RBMS3: variants seen among roughly 807,000 people sequenced by gnomAD.
RBMS3 encodes RNA-binding motif, single-stranded-interacting protein 3.
RBMS3 carries 27 observed loss-of-function variants against 66.8 expected under a neutral mutation model. That is an observed-to-expected ratio of 0.40 (90% confidence interval 0.30 to 0.56). RBMS3 has a LOEUF of 0.56. Among genes scored for constraint, RBMS3 ranks in the 20% least tolerant of loss-of-function variants. The pLI is 0.40. For missense variants in RBMS3, 513 were observed against 549.5 expected (o/e 0.93, Z 0.66); for synonymous variants, 188 against 183.0 (o/e 1.03, Z -0.22).
At chr3:29,647,864 A>C (rs1375298045) in intron 4 of RBMS3, among the ~76,000 whole-genome samples, 1 of 152,206 alleles carries the variant, frequency 6.6e-6, no homozygotes, top group Non-Finnish European at 1.5e-5. Context: ...TCTTTTGTGA[A>C]TGTCCTGTCC....
At chr3:29,683,387 C>G (rs941368275) in intron 4 of RBMS3, among the ~76,000 whole-genome samples, 12 of 152,080 alleles carry the variant, frequency 7.9e-5, no homozygotes, top group African/African-American at 2.9e-4. Flanking sequence ...CATAGCAGGT[C>G]TCATAAAGAT....
intron 1 of RBMS3, among the ~76,000 whole-genome samples, chr3:29,331,637 A>T (rs1182948386): frequency 2.6e-5 from 4 of 152,038 alleles, no homozygotes; most frequent in Admixed American, 2.6e-4. Context: ...TGTTATAGTC[A>T]GACTTCTCAG....
At chr3:29,911,407 G>C (rs951783386) in intron 10 of RBMS3, among the ~76,000 whole-genome samples, 2 of 152,040 alleles carry the variant, frequency 1.3e-5, no homozygotes, top group Admixed American at 1.3e-4. Flanking sequence ...ACTTAATCAT[G>C]ATTAGGGCTG....
At position 29,929,591 on chromosome 3, in the gene RBMS3, T is replaced by TAA. The variant is rs5847607; in HGVS notation, c.940-6487_940-6486dup. Among the ~76,000 whole-genome samples, 6 of 150,970 alleles carry TAA rather than the reference T, an allele frequency of 4.0e-5. No homozygotes were observed. The East Asian group carries it at 5.8e-4, about 15-fold the overall frequency. On this transcript the variant is annotated intron_variant, in intron 10 of 14. Transcript: ENST00000383767. ...TTAGTGTCTATTAATATTATAACTT[T>TAA]AAAAAAAAATACTTCCAGTTACTAG...
chr3:29,374,064 G>T (rs944833113), intron 1 of RBMS3, among the ~76,000 whole-genome samples: 1 of 152,174 alleles, frequency 6.6e-6, no homozygotes, highest in Non-Finnish European at 1.5e-5. Context: ...GGCTGAGTGG[G>T]ACAGCAATGG....
chr3:29,326,524 CT>C (rs2035345080), intron 1 of RBMS3, among the ~76,000 whole-genome samples: 1 of 152,220 alleles, frequency 6.6e-6, no homozygotes. Context: ...GTAATTACCC[CT>C]ATTATAAATC....
At chr3:29,792,689 G>A (rs565391347) in intron 6 of RBMS3, among the ~76,000 whole-genome samples, 52 of 152,216 alleles carry the variant, frequency 3.4e-4, no homozygotes, top group Non-Finnish European at 1.0e-4. Flanking sequence ...CAGGAAAAGA[G>A]GGAGCAAAAA....
At chr3:29,780,823 A>C (rs984492278) in intron 6 of RBMS3, among the ~76,000 whole-genome samples, 5 of 151,914 alleles carry the variant, frequency 3.3e-5, no homozygotes, top group African/African-American at 1.2e-4. Context: ...TTTTTCTTCC[A>C]GTTTGATTTT....
At chr3:29,557,233 C>T (rs1353008678) in intron 3 of RBMS3, among the ~76,000 whole-genome samples, 1 of 152,124 alleles carries the variant, frequency 6.6e-6, no homozygotes, top group Non-Finnish European at 1.5e-5. Flanking sequence ...TGTAAATATA[C>T]CCTCTGAGAG....
intron 2 of RBMS3, among the ~76,000 whole-genome samples, chr3:29,459,935 T>A (rs540709334): frequency 2.6e-5 from 4 of 152,336 alleles, no homozygotes; most frequent in African/African-American, 9.6e-5. Context: ...TTTACTCAAG[T>A]GCCAAATGGT....
intron 9 of RBMS3, among the ~76,000 whole-genome samples, chr3:29,897,727 C>T (rs2060158831): frequency 6.6e-6 from 1 of 151,590 alleles, no homozygotes; most frequent in Non-Finnish European, 1.5e-5. Flanking sequence ...TACTGTCCAA[C>T]CAACCTTAAT....
Position 29,349,199 on chromosome 3 carries a change from G to A in RBMS3, c.75+67443G>A, listed in dbSNP as rs1043893886. 2.0e-5 allele frequency among the ~76,000 whole-genome samples: 3 copies of A among 150,056 alleles called. No homozygotes were observed. The East Asian group carries it at 5.9e-4, about 30-fold the overall frequency. On this transcript the variant is annotated intron_variant, in intron 1 of 14. Coordinates refer to ENST00000383767, the MANE Select transcript of RBMS3 (RefSeq NM_001003793.3). ...GCTCTCTGCTCCCTTTGCACCCCGTGGAGATCTACTCCTAAAATTCTCTCT... is the reference window on the plus strand; with the variant it reads ...GCTCTCTGCTCCCTTTGCACCCCGTAGAGATCTACTCCTAAAATTCTCTCT...
intron 3 of RBMS3, among the ~76,000 whole-genome samples, chr3:29,518,098 G>A (rs1433001027): frequency 6.6e-6 from 1 of 152,130 alleles, no homozygotes; most frequent in African/African-American, 2.4e-5. Flanking sequence ...CTTTCTGAGA[G>A]CAGGGCATTC....
At chr3:29,958,318 G>A (rs562018076) in intron 12 of RBMS3, among the ~76,000 whole-genome samples, 2 of 151,932 alleles carry the variant, frequency 1.3e-5, no homozygotes, top group South Asian at 4.2e-4. Flanking sequence ...TTTCTTTTTT[G>A]TTGTTCCTGT....
intron 3 of RBMS3, among the ~76,000 whole-genome samples, chr3:29,514,675 ATATATG>A (rs2044547776): frequency 6.9e-6 from 1 of 144,740 alleles, no homozygotes; most frequent in South Asian, 2.2e-4. Flanking sequence ...ATATATATAT[ATATATG>A]ATAGGCATAC....
At chr3:29,660,281 T>G (rs2050490838) in intron 4 of RBMS3, among the ~76,000 whole-genome samples, 1 of 152,136 alleles carries the variant, frequency 6.6e-6, no homozygotes, top group Non-Finnish European at 1.5e-5. Flanking sequence ...ATATTAAAAT[T>G]TTAGTAATAT....
chr3:29,744,690 A>G (rs991892403), intron 5 of RBMS3, among the ~76,000 whole-genome samples: 2 of 151,854 alleles, frequency 1.3e-5, no homozygotes, highest in African/African-American at 4.8e-5. Context: ...AGGCTGAGGC[A>G]TGAGAATCGC....
At chr3:29,869,610 C>T (rs1377981662) in intron 7 of RBMS3, among the ~76,000 whole-genome samples, 2 of 152,086 alleles carry the variant, frequency 1.3e-5, no homozygotes, top group Admixed American at 6.6e-5. Context: ...ACCCTCAATA[C>T]AAACTGGTAA....
intron 4 of RBMS3, among the ~76,000 whole-genome samples, chr3:29,726,291 A>G (rs1240838893): frequency 6.6e-6 from 1 of 152,148 alleles, no homozygotes; most frequent in Non-Finnish European, 1.5e-5. Context: ...CCCTTTGAAA[A>G]CTGGCAGAAG....
Sources: gnomAD v4.1 joint callset for allele counts (sites outside exome capture counted in the v4.1 genomes callset) on GRCh38, gnomAD v4.1.1 for gene constraint, MANE v1.5 for transcripts, NCBI Gene and HGNC (gene_info 2026-07-23, HGNC 2026-07-21) for gene names.